KCNQ1: variants seen among roughly 807,000 people sequenced by gnomAD.
KCNQ1 encodes potassium voltage-gated channel subfamily KQT member 1.
KCNQ1 carries 49 observed loss-of-function variants against 72.4 expected under a neutral mutation model. That is an observed-to-expected ratio of 0.68 (90% CI 0.54 to 0.86). The LOEUF is 0.86. Ranked by LOEUF, KCNQ1 falls within the 40% of genes least tolerant of loss-of-function variation. The pLI is 0.00. For missense variants in KCNQ1, 790 were observed against 945.1 expected (o/e 0.84, Z 2.15); for synonymous variants, 450 against 412.6 (o/e 1.09, Z -1.10).
At position 2,677,856 on chromosome 11, in the gene KCNQ1, C is replaced by A. The variant is rs1850321224; in HGVS notation, c.1514+15775C>A. 2.5e-6 allele frequency: 1 copy of A among 398,360 alleles called. No individual in the cohort carries two copies. The highest frequency in any genetic ancestry group is 4.4e-5 in the Admixed American group (1 of 22,714). 24.7% of individuals were successfully genotyped at this position (398,360 alleles called of 1,614,324 possible). A position where few individuals can be genotyped will look rare whatever the true frequency, so the allele number is the denominator to read the frequency against. On this transcript the variant is annotated intron_variant, in intron 11 of 15. Transcript: ENST00000155840. This position sits in a 1 kb window ranked among gnomAD's most constrained non-coding sequence, Gnocchi z 4.5. ...CAAATAAGGGCTGTACCATTTACAT[C>A]ACTTTGACTGCACAAATGCACTTTC... is the stretch of plus-strand genomic sequence containing the variant.
chr11:2,558,281 C>T (rs755492748), intron 2 of KCNQ1, among the ~76,000 whole-genome samples: 39 of 152,356 alleles, frequency 2.6e-4, no homozygotes, highest in Non-Finnish European at 3.8e-4. Context: ...TTGTCCCCCA[C>T]GTGGATTGAA....
chr11:2,700,557 C>A (rs529083895), intron 11 of KCNQ1, among the ~76,000 whole-genome samples: 1 of 151,598 alleles, frequency 6.6e-6, no homozygotes, highest in Non-Finnish European at 1.5e-5. Context: ...GAGGCGTTTT[C>A]CCCCCTCCCA....
chr11:2,659,325 TA>T lies in KCNQ1; in HGVS notation c.1394-2635del, dbSNP rs1849909534. ...TTATGTCCCTGTAGTTTTGTTTTTC[TA>T]GAATGTCCTATAAATGGGATCCTAT... On this transcript the variant is annotated intron_variant, in intron 10 of 15. Transcript: ENST00000155840. This position sits in a 1 kb window ranked among gnomAD's most constrained non-coding sequence, Gnocchi z 4.3. The T allele has an allele frequency of 2.5e-6, 1 of 398,518 alleles. No homozygotes were observed. The highest frequency in any genetic ancestry group is 2.1e-5 in the African/African-American group (1 of 48,642). The allele number at this position is 398,518 out of a possible 1,614,324, so 24.7% of individuals were successfully genotyped here. A position where few individuals can be genotyped will look rare whatever the true frequency, so the allele number is the denominator to read the frequency against.
chr11:2,782,168 C>T lies in KCNQ1; in HGVS notation c.1794+4131C>T, dbSNP rs898257805. 6.6e-6 allele frequency among the ~76,000 whole-genome samples: 1 copy of T among 152,166 alleles called. No individual in the cohort carries two copies. Among genetic ancestry groups the T allele is most frequent in the African/African-American group, 2.4e-5 (1 of 41,428 alleles). ...TCCCCGAGCTGCACCCCCAGAGCCG[C>T]CGTGCTGCTGTTCATCCTCTCCCTT... On this transcript the variant is annotated intron_variant, in intron 15 of 15. Transcript: ENST00000155840. This position sits in a 1 kb window ranked among gnomAD's most constrained non-coding sequence, Gnocchi z 6.1.
In KCNQ1 at chr11:2,828,706, G is replaced by A. The variant is rs141609611; in HGVS notation, c.1795-19061G>A. On this transcript the variant is annotated intron_variant, in intron 15 of 15. Coordinates refer to ENST00000155840, the MANE Select transcript of KCNQ1 (RefSeq NM_000218.3). This position sits in a 1 kb window ranked among gnomAD's most constrained non-coding sequence, Gnocchi z 5.3. ...CTTGGAGCCACCAGGAGCAGTTGTG[G>A]GTGGGGCAGGAGCTCTCGTGATGAA... Among the ~76,000 whole-genome samples the A allele has an allele frequency of 1.3e-5, 2 of 152,290 alleles. No individual in the cohort carries two copies. The highest frequency in any genetic ancestry group is 4.8e-5 in the African/African-American group (2 of 41,550).
intron 10 of KCNQ1, chr11:2,622,086 T>C: frequency 2.5e-6 from 1 of 398,390 alleles, no homozygotes; most frequent in Non-Finnish European, 4.4e-6. Context: ...GTCATTTGTC[T>C]GAAGATATTT....
intron 1 of KCNQ1, among the ~76,000 whole-genome samples, chr11:2,504,156 A>G (rs574375941): frequency 1.2e-4 from 18 of 152,238 alleles, no homozygotes; most frequent in Non-Finnish European, 2.5e-4. Context: ...CATGAAAAAG[A>G]ATGAGAACGT....
chr11:2,487,372 C>T (rs1035896888), intron 1 of KCNQ1, among the ~76,000 whole-genome samples: 4 of 152,108 alleles, frequency 2.6e-5, no homozygotes, highest in African/African-American at 9.7e-5. Context: ...CTTGAGATTC[C>T]ATATGAATTT....
At chr11:2,737,703 C>T (rs1443394718) in intron 11 of KCNQ1, among the ~76,000 whole-genome samples, 4 of 152,144 alleles carry the variant, frequency 2.6e-5, no homozygotes, top group African/African-American at 4.8e-5. Flanking sequence ...CTGGTGGGTC[C>T]GAGCCCGGCA....
At position 2,509,580 on chromosome 11, in the gene KCNQ1, C is replaced by T. The variant is rs951561174; in HGVS notation, c.387-18348C>T. 7.2e-5 allele frequency among the ~76,000 whole-genome samples: 11 copies of T among 152,172 alleles called. No homozygotes were observed. Among genetic ancestry groups the T allele is most frequent in the South Asian group, 4.1e-4 (2 of 4,830 alleles). On this transcript the variant is annotated intron_variant, in intron 1 of 15. Transcript: ENST00000155840. The surrounding 1 kb of genome is among the most constrained non-coding windows in gnomAD (Gnocchi z 6.3). The stretch of plus-strand genomic sequence containing the variant: ...AGGCAGGAAGTGGCAGCTCCAGGTC[C>T]GGGTGTGAGGGCAGTAGTGCAGGTC...
At chr11:2,699,703 G>T (rs1326444790) in intron 11 of KCNQ1, 2 of 225,836 alleles carry the variant, frequency 8.9e-6, no homozygotes, top group African/African-American at 6.5e-5. Context: ...GCCCCGAGGA[G>T]AACGGCGCCG....
At chr11:2,452,874 C>T (rs939789218) in intron 1 of KCNQ1, among the ~76,000 whole-genome samples, 8 of 151,944 alleles carry the variant, frequency 5.3e-5, no homozygotes, top group African/African-American at 1.7e-4. Context: ...ATGCGTGCTG[C>T]GGGGTGGGTG....
intron 10 of KCNQ1, chr11:2,628,107 A>C: frequency 2.5e-6 from 1 of 398,628 alleles, no homozygotes. Context: ...ATGGGAGTGC[A>C]GATACCTCTT....
In KCNQ1 at chr11:2,495,175, A is replaced by G. The variant is rs980063169; in HGVS notation, c.387-32753A>G. On this transcript the variant is annotated intron_variant, in intron 1 of 15. Transcript: ENST00000155840. The surrounding 1 kb of genome is among the most constrained non-coding windows in gnomAD (Gnocchi z 4.6). Reference sequence around the variant, plus strand: ...TGGTAGTTTGTATTTCTGTGGGATCAGTGGTGATATCCCCTTTATCATTTT... The same window carrying G: ...TGGTAGTTTGTATTTCTGTGGGATCGGTGGTGATATCCCCTTTATCATTTT... Among the ~76,000 whole-genome samples, 31 of 152,086 alleles carry G rather than the reference A, an allele frequency of 2.0e-4. 1 individual carries two copies. Among genetic ancestry groups the G allele is most frequent in the Admixed American group, 1.8e-3 (28 of 15,268 alleles).
At chr11:2,666,955 A>G (rs1850083118) in intron 11 of KCNQ1, 1 of 398,756 alleles carries the variant, frequency 2.5e-6, no homozygotes, top group Non-Finnish European at 4.4e-6. Flanking sequence ...CGAGATGCCA[A>G]GGAAGCCCTC....
At chr11:2,760,813 C>G (rs768498914) in intron 11 of KCNQ1, among the ~76,000 whole-genome samples, 4 of 152,212 alleles carry the variant, frequency 2.6e-5, no homozygotes, top group Admixed American at 2.6e-4. Flanking sequence ...GGGTGTGGCT[C>G]GCTTCTTCAG....
intron 1 of KCNQ1, among the ~76,000 whole-genome samples, chr11:2,521,747 G>T (rs1214970747): frequency 6.6e-6 from 1 of 152,254 alleles, no homozygotes; most frequent in Non-Finnish European, 1.5e-5. Flanking sequence ...CTCACTGTGT[G>T]TGGGGCCTGT....
chr11:2,665,832 G>A (rs1850057441), intron 11 of KCNQ1: 2 of 398,686 alleles, frequency 5.0e-6, no homozygotes, highest in East Asian at 3.6e-5. Flanking sequence ...CCAGTGCTGA[G>A]GCACAGGGCT....
In KCNQ1 at chr11:2,745,698, G is replaced by A. The variant is rs1252466983; in HGVS notation, c.1515-23146G>A. Among the ~76,000 whole-genome samples, 1 of 152,166 alleles carries A rather than the reference G, an allele frequency of 6.6e-6. No individual in the cohort carries two copies. Among genetic ancestry groups the A allele is most frequent in the Non-Finnish European group, 1.5e-5 (1 of 68,026 alleles). ...GGCCTCAGCACCCGGCGGAGGCAGG[G>A]GCTTCCTCTGACACGATACAGGGAT... On this transcript the variant is annotated intron_variant, in intron 11 of 15. Transcript: ENST00000155840. This position sits in a 1 kb window ranked among gnomAD's most constrained non-coding sequence, Gnocchi z 6.2.
Sources: gnomAD v4.1 joint callset for allele counts (sites outside exome capture counted in the v4.1 genomes callset) on GRCh38, gnomAD v4.1.1 for gene constraint, Gnocchi (gnomAD v3.1) non-coding constraint, MANE v1.5 for transcripts, NCBI Gene and HGNC (gene_info 2026-07-23, HGNC 2026-07-21) for gene names.